Variants in SMG6 observed in about 807,000 individuals in gnomAD.
SMG6 encodes the protein SMG6 nonsense mediated mRNA decay factor.
In SMG6, 66 loss-of-function variants were observed where a neutral mutation model predicts 142.2. The ratio of observed to expected loss-of-function variants is 0.46; its 90% CI spans 0.38 to 0.57. SMG6 has a LOEUF of 0.57. Ranked by LOEUF, SMG6 falls within the 20% of genes least tolerant of loss-of-function variation. SMG6 has a pLI of 0.00. For missense variants in SMG6, 1,793 were observed against 1,832.0 expected, an observed-to-expected ratio of 0.98 and a Z score of 0.39; for synonymous variants, 779 against 702.4, an observed-to-expected ratio of 1.11 and a Z score of -1.72.
chr17:2,068,727 G>T lies in SMG6; in HGVS notation c.3835+51C>A. 1.3e-6 allele frequency: 2 copies of T among 1,581,724 alleles called. No homozygotes were observed. Among genetic ancestry groups the T allele is most frequent in the Non-Finnish European group, 1.7e-6 (2 of 1,161,200 alleles). Reference sequence around the variant, plus strand: ...CCCCAGGCCGTGGGGCGTGTGTGGAGGGGGCTGCTGTGCACATGCAAGGCC... The same window carrying T: ...CCCCAGGCCGTGGGGCGTGTGTGGATGGGGCTGCTGTGCACATGCAAGGCC... On this transcript the variant is annotated intron_variant, in intron 16 of 18. Coordinates refer to ENST00000263073, the MANE Select transcript of SMG6 (RefSeq NM_017575.5). The surrounding 1 kb of genome is among the most constrained non-coding windows in gnomAD (Gnocchi z 6.7).
chr17:2,149,896 C>A (rs1455915893), intron 13 of SMG6, among the ~76,000 whole-genome samples: 1 of 152,182 alleles, frequency 6.6e-6, no homozygotes, highest in African/African-American at 2.4e-5. Context: ...GGGTCCTGCT[C>A]ATGTTTTGTA....
chr17:2,070,793 G>A (rs778492494), intron 15 of SMG6, among the ~76,000 whole-genome samples: 3 of 152,140 alleles, frequency 2.0e-5, no homozygotes, highest in Admixed American at 6.6e-5. Flanking sequence ...CCACTACTGC[G>A]GGCTACCTTC....
At chr17:2,298,675 G>A (rs2075198916) in intron 2 of SMG6, among the ~76,000 whole-genome samples, 1 of 150,370 alleles carries the variant, frequency 6.7e-6, no homozygotes, top group Admixed American at 6.7e-5. Context: ...CCAAGATCGT[G>A]CCACTGCACT....
In SMG6 at chr17:2,287,122, G is replaced by A. The variant is rs544299948; in HGVS notation, c.2338-3387C>T. Among the ~76,000 whole-genome samples the A allele has an allele frequency of 1.6e-4, 24 of 151,984 alleles. No individual in the cohort carries two copies. In the East Asian group the frequency reaches 4.1e-3, roughly 26 times the overall value. The stretch of plus-strand genomic sequence containing the variant: ...AATTTTTTGTATTTTTAGTAGAGAC[G>A]GGGTTTCATCGTGGTCTCAATCTCT... On this transcript the variant is annotated intron_variant, in intron 6 of 18. Coordinates refer to ENST00000263073, the MANE Select transcript of SMG6 (RefSeq NM_017575.5).
chr17:2,129,095 C>G (rs1250812723), intron 13 of SMG6, among the ~76,000 whole-genome samples: 1 of 152,098 alleles, frequency 6.6e-6, no homozygotes, highest in East Asian at 1.9e-4. Context: ...CACCTGTAAT[C>G]CCAGCATTTT....
chr17:2,223,922 C>CAAAAA (rs1213065138), intron 10 of SMG6, among the ~76,000 whole-genome samples: 3 of 148,376 alleles, frequency 2.0e-5, no homozygotes, highest in Non-Finnish European at 4.5e-5. Flanking sequence ...ACAGGCAGAG[C>CAAAAA]AAAAAAAAAG....
chr17:2,169,617 G>A (rs2071443911), intron 13 of SMG6, among the ~76,000 whole-genome samples: 1 of 152,204 alleles, frequency 6.6e-6, no homozygotes, highest in Admixed American at 6.5e-5. Flanking sequence ...TGAGCGCTTG[G>A]TTTGTTTGAG....
intron 8 of SMG6, among the ~76,000 whole-genome samples, chr17:2,256,964 GTATGTATGTATT>G (rs1202130132): frequency 6.6e-6 from 1 of 151,812 alleles, no homozygotes; most frequent in Non-Finnish European, 1.5e-5. Context: ...ATGTATGTAT[GTATGTATGTATT>G]TATTTATTTA....
intron 13 of SMG6, among the ~76,000 whole-genome samples, chr17:2,150,260 G>A (rs1427719331): frequency 6.6e-6 from 1 of 152,246 alleles, no homozygotes; most frequent in Non-Finnish European, 1.5e-5. Flanking sequence ...AATGCTGGAT[G>A]ATGGCAAGTG....
rs143528755 is a variant in SMG6 at position 2,231,824 on chromosome 17, G to A, written c.2869+4668C>T. 1.8e-3 allele frequency among the ~76,000 whole-genome samples: 270 copies of A among 151,974 alleles called. 2 individuals carry two copies. Among genetic ancestry groups the A allele is most frequent in the African/African-American group, 6.2e-3 (257 of 41,434 alleles). On this transcript the variant is annotated intron_variant, in intron 10 of 18. Coordinates refer to ENST00000263073, the MANE Select transcript of SMG6 (RefSeq NM_017575.5). ...AATACCAATAGCACGTGCAAGAAGT[G>A]TCTCTTGGGTGCCCTCTTGCTGCCA...
chr17:2,271,692 G>A (rs569978986), intron 8 of SMG6, among the ~76,000 whole-genome samples: 1 of 152,050 alleles, frequency 6.6e-6, no homozygotes, highest in African/African-American at 2.4e-5. Flanking sequence ...TCCAGCCTAG[G>A]AAACAGAGCA....
chr17:2,199,636 T>A (rs918296929), intron 10 of SMG6: 3 of 151,958 alleles, frequency 2.0e-5, no homozygotes, highest in South Asian at 4.1e-4. Context: ...CCAGGCACAG[T>A]GGCTCACACC....
intron 15 of SMG6, among the ~76,000 whole-genome samples, chr17:2,076,169 C>T (rs1056685295): frequency 1.3e-5 from 2 of 152,116 alleles, no homozygotes; most frequent in African/African-American, 2.4e-5. Flanking sequence ...CCCAAACATG[C>T]GTGGTTCCTG....
At chr17:2,155,054 A>ATTT (rs1415828606) in intron 13 of SMG6, among the ~76,000 whole-genome samples, 3 of 122,736 alleles carry the variant, frequency 2.4e-5, no homozygotes, top group Non-Finnish European at 5.1e-5. Flanking sequence ...TGAGAAAAAA[A>ATTT]ATTTTTTTTT....
At chr17:2,133,618 G>A (rs2070195825) in intron 13 of SMG6, among the ~76,000 whole-genome samples, 1 of 152,160 alleles carries the variant, frequency 6.6e-6, no homozygotes, top group Admixed American at 6.5e-5. Context: ...GCTTACTGCA[G>A]CCTAGAACTC....
intron 15 of SMG6, among the ~76,000 whole-genome samples, chr17:2,076,958 C>T (rs755104440): frequency 2.0e-5 from 3 of 152,178 alleles, no homozygotes; most frequent in Admixed American, 6.5e-5. Context: ...GGAAGTCAAG[C>T]GTTGGAGGAG....
chr17:2,109,956 G>A (rs528567459), intron 13 of SMG6, among the ~76,000 whole-genome samples: 15 of 152,058 alleles, frequency 9.9e-5, no homozygotes, highest in East Asian at 1.9e-4. Context: ...GGTGGTGCAC[G>A]TCTGCAGTCC....
At chr17:2,189,813 T>A (rs1256218076) in intron 10 of SMG6, among the ~76,000 whole-genome samples, 2 of 152,192 alleles carry the variant, frequency 1.3e-5, no homozygotes, top group African/African-American at 2.4e-5. Flanking sequence ...AGGAGCAGGC[T>A]GCTGCTCAGA....
intron 13 of SMG6, among the ~76,000 whole-genome samples, chr17:2,170,660 T>C (rs1038845802): frequency 6.6e-6 from 1 of 152,234 alleles, no homozygotes; most frequent in Non-Finnish European, 1.5e-5. Context: ...AAAGTAAGTA[T>C]TCCTCTTGGG....
Sources: gnomAD v4.1 joint callset for allele counts (sites outside exome capture counted in the v4.1 genomes callset) on GRCh38, gnomAD v4.1.1 for gene constraint, Gnocchi (gnomAD v3.1) non-coding constraint, MANE v1.5 for transcripts, NCBI Gene and HGNC (gene_info 2026-07-23, HGNC 2026-07-21) for gene names.